Variants in CALN1 observed in about 807,000 individuals in gnomAD.
CALN1 encodes calneuron 1, also known as calcium-binding protein 8.
In CALN1, 17 loss-of-function variants were observed where a neutral mutation model predicts 30.6. The ratio of observed to expected loss-of-function variants is 0.56; its 90% CI spans 0.38 to 0.83. The LOEUF (loss-of-function observed/expected upper bound fraction) is 0.83, where lower values mean the gene tolerates loss of function less well. Among genes scored for constraint, CALN1 ranks in the 40% least tolerant of loss-of-function variants. The pLI is 0.00. For missense variants in CALN1, 291 were observed against 354.9 expected (o/e 0.82, Z 1.45); for synonymous variants, 156 against 131.4 (o/e 1.19, Z -1.28).
chr7:72,400,541 T>A (rs748526671), intron 2 of CALN1, among the ~76,000 whole-genome samples: 34 of 152,118 alleles, frequency 2.2e-4, no homozygotes, highest in Non-Finnish European at 4.9e-4. Flanking sequence ...AGTAAACTGA[T>A]GGGAGCAGAG....
chr7:71,798,052 A>C (rs1223014808), intron 6 of CALN1, among the ~76,000 whole-genome samples: 3 of 150,266 alleles, frequency 2.0e-5, no homozygotes, highest in African/African-American at 7.4e-5. Context: ...AGCAGGCAAG[A>C]GAGAGAGACA....
chr7:72,047,280 G>A (rs1409302876), intron 4 of CALN1, among the ~76,000 whole-genome samples: 3 of 152,116 alleles, frequency 2.0e-5, no homozygotes, highest in Non-Finnish European at 4.4e-5. Context: ...ATAGACATAC[G>A]AAGATGAAAA....
chr7:71,952,945 G>A (rs1435649711), intron 5 of CALN1, among the ~76,000 whole-genome samples: 6 of 151,984 alleles, frequency 3.9e-5, no homozygotes, highest in Non-Finnish European at 7.4e-5. Context: ...CATGGCTTTC[G>A]TGACTCAGTC....
At chr7:72,106,897 AAAAG>A (rs1273316321) in intron 3 of CALN1, among the ~76,000 whole-genome samples, 3 of 149,800 alleles carry the variant, frequency 2.0e-5, no homozygotes, top group East Asian at 2.0e-4. Flanking sequence ...AGAAGAAAGA[AAAAG>A]GAAGGAAGGA....
intron 2 of CALN1, among the ~76,000 whole-genome samples, chr7:72,379,422 C>T (rs891239823): frequency 6.6e-6 from 1 of 152,222 alleles, no homozygotes; most frequent in African/African-American, 2.4e-5. Context: ...GCATACCAGA[C>T]ACCAGACTAA....
intron 1 of CALN1, among the ~76,000 whole-genome samples, chr7:72,442,239 A>T (rs952713884): frequency 3.3e-5 from 5 of 152,114 alleles, no homozygotes; most frequent in African/African-American, 1.2e-4. Flanking sequence ...TTGCCCACCC[A>T]CAATCTTTCC....
chr7:72,191,552 CAAAAAAAAAAAAA>C (rs55780039), intron 3 of CALN1, among the ~76,000 whole-genome samples: 44 of 72,476 alleles, frequency 6.1e-4, no homozygotes, highest in East Asian at 8.3e-4. Flanking sequence ...GACTCCGTCT[CAAAAAAAAAAAAA>C]AAAAAAAAAA....
rs990529220 is a variant in CALN1 at position 71,944,614 on chromosome 7, A to G, written c.501+79043T>C. ...CATCCCAAAAAAAAAAAAAAAAAAA[A>G]AAAGAAAGAAAACATTTCTGAATTT... On this transcript the variant is annotated intron_variant, in intron 5 of 6. Transcript: ENST00000395275. Among the ~76,000 whole-genome samples the G allele has an allele frequency of 2.0e-4, 30 of 150,870 alleles. No homozygotes were observed. The East Asian group carries it at 4.1e-3, about 20-fold the overall frequency.
intron 4 of CALN1, among the ~76,000 whole-genome samples, chr7:72,054,546 T>TATATACATACATATATATACAC (rs1563016035): frequency 9.2e-6 from 1 of 108,354 alleles, no homozygotes; most frequent in African/African-American, 4.2e-5. Context: ...TATATATACA[T>TATATACATACATATATATACAC]ATATATATAT....
the CALN1 span, among the ~76,000 whole-genome samples, chr7:72,490,839 T>C: frequency 6.6e-6 from 1 of 152,234 alleles, no homozygotes. Flanking sequence ...TAAAGCTCTT[T>C]TCTTCATAAA....
intron 2 of CALN1, among the ~76,000 whole-genome samples, chr7:72,395,574 C>G (rs549925891): frequency 6.6e-6 from 1 of 152,128 alleles, no homozygotes; most frequent in Non-Finnish European, 1.5e-5. Flanking sequence ...TATTGATGTT[C>G]TGAGGATCAT....
At chr7:71,875,280 G>C (rs1226740340) in intron 5 of CALN1, among the ~76,000 whole-genome samples, 1 of 151,574 alleles carries the variant, frequency 6.6e-6, no homozygotes, top group Non-Finnish European at 1.5e-5. Context: ...CCAGAGACCT[G>C]ACAGAACTGG....
intron 5 of CALN1, among the ~76,000 whole-genome samples, chr7:72,005,773 A>G (rs527616985): frequency 1.3e-5 from 2 of 151,922 alleles, no homozygotes; most frequent in Non-Finnish European, 2.9e-5. Context: ...CTTTTTAGAA[A>G]ACCAAGACCT....
chr7:72,398,160 C>A (rs1213870373), intron 2 of CALN1, among the ~76,000 whole-genome samples: 1 of 152,168 alleles, frequency 6.6e-6, no homozygotes, highest in Non-Finnish European at 1.5e-5. Flanking sequence ...CTGATGATTC[C>A]AATCTAGCAA....
At chr7:72,027,774 C>G (rs573132701) in intron 4 of CALN1, among the ~76,000 whole-genome samples, 2 of 148,456 alleles carry the variant, frequency 1.3e-5, no homozygotes, top group East Asian at 4.1e-4. Context: ...CACATGAGAC[C>G]TGGCCGGGCG....
At chr7:72,399,295 G>A (rs1469498327) in intron 2 of CALN1, among the ~76,000 whole-genome samples, 4 of 121,108 alleles carry the variant, frequency 3.3e-5, no homozygotes, top group Non-Finnish European at 6.5e-5. Context: ...TTTTTGAGAT[G>A]GAGTCTCACT....
chr7:72,395,817 G>A (rs1473085010), intron 2 of CALN1, among the ~76,000 whole-genome samples: 3 of 152,238 alleles, frequency 2.0e-5, no homozygotes, highest in South Asian at 4.1e-4. Flanking sequence ...TGATAGCAGG[G>A]TGGCAAAAAT....
intron 3 of CALN1, among the ~76,000 whole-genome samples, chr7:72,219,652 CGCACACACACCCTT>C (rs987413386): frequency 6.6e-6 from 1 of 150,604 alleles, no homozygotes; most frequent in Non-Finnish European, 1.5e-5. Flanking sequence ...CACACACACA[CGCACACACACCCTT>C]GCACACACAT....
chr7:72,365,041 A>C (rs1803799784), intron 2 of CALN1, among the ~76,000 whole-genome samples: 1 of 152,080 alleles, frequency 6.6e-6, no homozygotes, highest in Non-Finnish European at 1.5e-5. Context: ...GTGGTGGCAC[A>C]CACCTGCAAT....
Sources: gnomAD v4.1 joint callset for allele counts (sites outside exome capture counted in the v4.1 genomes callset) on GRCh38, gnomAD v4.1.1 for gene constraint, MANE v1.5 for transcripts, NCBI Gene and HGNC (gene_info 2026-07-23, HGNC 2026-07-21) for gene names.